The following TRANK1 variants were observed in gnomAD, a reference collection of about 807,000 sequenced individuals.
The protein encoded by TRANK1 is TPR and ankyrin repeat-containing protein 1.
A neutral mutation model predicts 266.0 loss-of-function variants in TRANK1; 198 were observed. The observed-to-expected ratio is 0.74, with a 90% CI of 0.66 to 0.84. The LOEUF (loss-of-function observed/expected upper bound fraction) is 0.84, where lower values mean the gene tolerates loss of function less well. Among genes scored for constraint, TRANK1 ranks in the 40% least tolerant of loss-of-function variants. The probability of loss-of-function intolerance (pLI) is 0.00; values close to 1 mark genes in which losing one functional copy is unlikely to be tolerated. For missense variants in TRANK1, 3,326 were observed against 3,634.6 expected, an observed-to-expected ratio of 0.92 and a Z score of 2.18; for synonymous variants, 1,396 against 1,384.1, an observed-to-expected ratio of 1.01 and a Z score of -0.19.
chr3:36,898,858 A>G (rs2079833915), intron 4 of TRANK1, among the ~76,000 whole-genome samples: 1 of 152,124 alleles, frequency 6.6e-6, no homozygotes, highest in South Asian at 2.1e-4. Flanking sequence ...TCAAAAAAAA[A>G]AAAAAAAAAT....
rs1311289823 is a variant in TRANK1, at chr3:36,847,258, A to G, written c.4976T>C (p.Leu1659Pro). The G allele has an allele frequency of 6.2e-7, 1 of 1,613,542 alleles. No homozygotes were observed. The highest frequency in any genetic ancestry group is 1.3e-5 in the African/African-American group (1 of 74,916). The change falls in exon 16 of 24, where the codon CTG becomes CCG. Residue 1659 changes from leucine to proline, a missense_variant. Transcript: ENST00000645898. ...ACCCTGAGAAGAGCCTGGTTTGTCCAGGGGTACTTCAACCAATGGCCGGTT... is the reference window on the plus strand; with the variant it reads ...ACCCTGAGAAGAGCCTGGTTTGTCCGGGGGTACTTCAACCAATGGCCGGTT... ...EENRPLVEVP[L>P]DKPGSSQGRS... is the part of the protein sequence containing the mutation.
chr3:36,944,459 AC>A (rs2080542692), intron 1 of TRANK1, among the ~76,000 whole-genome samples: 3 of 152,072 alleles, frequency 2.0e-5, no homozygotes, highest in Admixed American at 1.3e-4. Context: ...GCCCCCGGGA[AC>A]CCCTGAGGAT....
intron 7 of TRANK1, among the ~76,000 whole-genome samples, 182 bp from the exon 8 acceptor site, chr3:36,890,142 G>A (rs562678273): frequency 9.2e-5 from 14 of 152,238 alleles, no homozygotes; most frequent in Middle Eastern, 3.2e-3. Context: ...ACAAACAGGT[G>A]TGGGGAGATG....
Position 36,857,252 on chromosome 3 carries a change from C to T in TRANK1, c.2470G>A (p.Ala824Thr). 2 of 1,612,108 alleles carry T rather than the reference C, an allele frequency of 1.2e-6. No individual in the cohort carries two copies. The highest frequency in any genetic ancestry group is 1.3e-5 in the African/African-American group (1 of 75,024). ...QDDWSTQEIE[A>T]CLQDFDNMTW... ...ATGTTATCGAAGTCCTGGAGGCAGG[C>T]CTCAATCTCCTGCGTGCTCCAGTCA... Residue 824 changes from alanine (A) to threonine (T), a missense_variant, in exon 13 of 24, where the codon GCC becomes ACC. By Grantham distance (58) the Ala-to-Thr change is moderately conservative. Coordinates refer to ENST00000645898, the MANE Select transcript of TRANK1 (RefSeq NM_001329998.2). This position sits in a 1 kb window ranked among gnomAD's most constrained non-coding sequence, Gnocchi z 4.3.
intron 18 of TRANK1, among the ~76,000 whole-genome samples, chr3:36,840,471 G>GT (rs113956823): frequency 0.36 from 54,542 of 152,038 alleles, 10,157 homozygotes; most frequent in African/African-American, 0.41. Context: ...ACTCCTCCCT[G>GT]TATCTGTCCA....
chr3:36,835,318 CAAAAAAAAAAAAAA>C (rs33954737), intron 20 of TRANK1, among the ~76,000 whole-genome samples: 3 of 67,844 alleles, frequency 4.4e-5, no homozygotes, highest in African/African-American at 1.1e-4. Context: ...GACTCCGTCT[CAAAAAAAAAAAAAA>C]AAAAAAAAAA....
At chr3:36,878,292 C>T (rs1384052275) in intron 8 of TRANK1, among the ~76,000 whole-genome samples, 1 of 152,164 alleles carries the variant, frequency 6.6e-6, no homozygotes, top group Non-Finnish European at 1.5e-5. Flanking sequence ...CCTCTTCTCC[C>T]ACCCCCAACT....
chr3:36,943,811 A>G (rs1484449454), intron 1 of TRANK1, among the ~76,000 whole-genome samples: 1 of 152,166 alleles, frequency 6.6e-6, no homozygotes, highest in Admixed American at 6.5e-5. Context: ...TAACTGAGCC[A>G]GCAGCAACTG....
chr3:36,906,137 G>C (rs1218816193), intron 2 of TRANK1, among the ~76,000 whole-genome samples: 1 of 152,218 alleles, frequency 6.6e-6, no homozygotes, highest in Admixed American at 6.5e-5. Context: ...ACCCAGCTCT[G>C]ACACAATTCT....
At chr3:36,844,537 T>C (rs2078890287) in intron 17 of TRANK1, among the ~76,000 whole-genome samples, 2 of 152,130 alleles carry the variant, frequency 1.3e-5, no homozygotes, top group South Asian at 4.1e-4. Context: ...ATATGATCTC[T>C]TATAGTGGAT....
At position 36,864,481 on chromosome 3, in the gene TRANK1, C is replaced by T. The variant is rs748914748; in HGVS notation, c.1079-1G>A. The T allele has an allele frequency of 1.3e-6, 2 of 1,522,080 alleles. No homozygotes were observed. Among genetic ancestry groups the T allele is most frequent in the South Asian group, 2.5e-5 (2 of 80,536 alleles). The allele number at this position is 1,522,080 out of a possible 1,614,324, so 94.3% of individuals were successfully genotyped here. A position where few individuals can be genotyped will look rare whatever the true frequency, so the allele number is the denominator to read the frequency against. ...GTGGGTCCATCACCATTGCTGAATC[C>T]TACAAAACAGCACCAGGTAATGCTT... On this transcript the variant is annotated splice_acceptor_variant, in intron 9 of 23. Coordinates refer to ENST00000645898, the MANE Select transcript of TRANK1 (RefSeq NM_001329998.2). LOFTEE classifies it high-confidence loss of function.
chr3:36,907,347 A>C (rs1372868314), intron 2 of TRANK1, among the ~76,000 whole-genome samples: 1 of 151,222 alleles, frequency 6.6e-6, no homozygotes, highest in African/African-American at 2.4e-5. Flanking sequence ...ATGGGGTTTC[A>C]CCATGTTGGC....
At chr3:36,906,849 G>A (rs567022408) in intron 2 of TRANK1, among the ~76,000 whole-genome samples, 1 of 152,318 alleles carries the variant, frequency 6.6e-6, no homozygotes, top group South Asian at 2.1e-4. Flanking sequence ...AGAATTGCAA[G>A]AGAAAAAATT....
chr3:36,905,578 C>T (rs1246266401), intron 2 of TRANK1, among the ~76,000 whole-genome samples: 1 of 152,156 alleles, frequency 6.6e-6, no homozygotes, highest in Non-Finnish European at 1.5e-5. Flanking sequence ...TTTAAGCCAC[C>T]CAGTCTGTGC....
At chr3:36,921,877 C>T (rs2080218620) in intron 1 of TRANK1, among the ~76,000 whole-genome samples, 2 of 152,096 alleles carry the variant, frequency 1.3e-5, no homozygotes, top group Non-Finnish European at 2.9e-5. Flanking sequence ...TACGGTGGCT[C>T]ACACCTTTAA....
chr3:36,902,890 C>T (rs1011163593), intron 3 of TRANK1, among the ~76,000 whole-genome samples: 3 of 152,352 alleles, frequency 2.0e-5, no homozygotes, highest in East Asian at 3.9e-4. Flanking sequence ...CAACACTAGG[C>T]GATCCTTGTT....
intron 2 of TRANK1, among the ~76,000 whole-genome samples, chr3:36,903,550 C>CA (rs2079916053): frequency 6.6e-6 from 1 of 152,238 alleles, no homozygotes; most frequent in Non-Finnish European, 1.5e-5. Context: ...GATCTCCACG[C>CA]ATAATCATTT....
At chr3:36,843,722 A>G (rs537836488) in intron 17 of TRANK1, among the ~76,000 whole-genome samples, 1 of 152,308 alleles carries the variant, frequency 6.6e-6, no homozygotes, top group East Asian at 1.9e-4. Context: ...GAGCTGAAGG[A>G]ATCAGAGACA....
rs760773851 is a variant in TRANK1, at chr3:36,831,684, G to C, written c.7899C>G (p.Asp2633Glu). The C allele has an allele frequency of 1.9e-6, 3 of 1,613,938 alleles. No individual in the cohort carries two copies. The highest frequency in any genetic ancestry group is 2.5e-6 in the Non-Finnish European group (3 of 1,179,894). ...ACTCTTCATCCCGCTCAAAGAGCAG[G>C]TCCTGCAGTGCCTCAGCCACAGACT... Reference protein sequence around the residue: ...NVKSVAEALQDLLFERDEEYL... With the variant: ...NVKSVAEALQELLFERDEEYL... Residue 2633 changes from aspartate (D) to glutamate (E), a missense_variant, in exon 22 of 24, where the codon GAC becomes GAG. Physicochemically the swap from Asp to Glu is conservative, Grantham distance 45. Transcript: ENST00000645898. The surrounding 1 kb of genome is among the most constrained non-coding windows in gnomAD (Gnocchi z 5.0).
Sources: allele counts gnomAD v4.1 joint callset (sites outside exome capture counted in the v4.1 genomes callset), GRCh38; gene constraint gnomAD v4.1.1; non-coding constraint Gnocchi (gnomAD v3.1); transcripts MANE v1.5; gene names NCBI Gene and HGNC (gene_info 2026-07-23, HGNC 2026-07-21).